SPOCK1: variants seen among roughly 807,000 people sequenced by gnomAD.
The protein encoded by SPOCK1 is SPARC (osteonectin), cwcv and kazal like domains proteoglycan 1.
Under a neutral mutation model 55.3 loss-of-function variants are expected in SPOCK1, and 23 were observed. The ratio of observed to expected loss-of-function variants is 0.42; its 90% CI spans 0.30 to 0.59. The LOEUF (loss-of-function observed/expected upper bound fraction) is 0.59, where lower values mean the gene tolerates loss of function less well. SPOCK1 is among the 20% of genes least tolerant of loss of function. SPOCK1 has a pLI of 0.22. For synonymous variants in SPOCK1, 226 were observed against 221.0 expected (o/e 1.02, Z -0.20); for missense variants, 499 against 552.5 (o/e 0.90, Z 0.97).
At chr5:137,126,837 T>C (rs1753790947) in intron 4 of SPOCK1, among the ~76,000 whole-genome samples, 1 of 152,212 alleles carries the variant, frequency 6.6e-6, no homozygotes, top group African/African-American at 2.4e-5. Context: ...CATGTCCTAG[T>C]GTCTGTGGAA....
chr5:137,487,124 T>A (rs1358154407), intron 2 of SPOCK1, among the ~76,000 whole-genome samples: 2 of 152,166 alleles, frequency 1.3e-5, no homozygotes, highest in Non-Finnish European at 2.9e-5. Context: ...CTTGGCAATT[T>A]TTTTTAATCA....
intron 2 of SPOCK1, among the ~76,000 whole-genome samples, chr5:137,415,425 G>A (rs575530069): frequency 2.6e-4 from 39 of 152,354 alleles, no homozygotes; most frequent in African/African-American, 8.4e-4. Flanking sequence ...GAGCTACAGA[G>A]GCCCAAGGTT....
intron 2 of SPOCK1, among the ~76,000 whole-genome samples, chr5:137,298,591 T>C (rs1757531282): frequency 6.6e-6 from 1 of 152,226 alleles, no homozygotes; most frequent in Non-Finnish European, 1.5e-5. Flanking sequence ...GAGAGGAGTG[T>C]TGAAATCTCC....
intron 4 of SPOCK1, among the ~76,000 whole-genome samples, chr5:137,133,307 T>C (rs1255502397): frequency 1.3e-5 from 2 of 151,344 alleles, no homozygotes; most frequent in Non-Finnish European, 2.9e-5. Flanking sequence ...GAGGCGGAGG[T>C]TGCAGTGAGC....
At chr5:137,127,088 AAGG>A (rs976819844) in intron 4 of SPOCK1, among the ~76,000 whole-genome samples, 7 of 152,212 alleles carry the variant, frequency 4.6e-5, no homozygotes, top group African/African-American at 9.7e-5. Flanking sequence ...ACAATGTATA[AAGG>A]AGATTAGTAT....
intron 2 of SPOCK1, among the ~76,000 whole-genome samples, chr5:137,329,274 G>A (rs1758130056): frequency 6.6e-6 from 1 of 151,988 alleles, no homozygotes; most frequent in Non-Finnish European, 1.5e-5. Context: ...CCAAATCTTA[G>A]ACTGGGATTT....
At chr5:137,279,768 T>C (rs1757134798) in intron 2 of SPOCK1, among the ~76,000 whole-genome samples, 1 of 152,202 alleles carries the variant, frequency 6.6e-6, no homozygotes, top group Non-Finnish European at 1.5e-5. Flanking sequence ...TGACACTGTA[T>C]CTATGCCACC....
chr5:137,202,907 C>G (rs1414596290), intron 3 of SPOCK1, among the ~76,000 whole-genome samples: 1 of 152,182 alleles, frequency 6.6e-6, no homozygotes, highest in Non-Finnish European at 1.5e-5. Context: ...GAATATGTTA[C>G]TTTAAGAACA....
intron 2 of SPOCK1, among the ~76,000 whole-genome samples, chr5:137,350,587 A>C (rs6885881): frequency 0.026 from 3,995 of 152,174 alleles, 207 homozygotes; most frequent in African/African-American, 0.091. Flanking sequence ...ACTCAGCTGC[A>C]ATCATCCAAA....
chr5:137,295,851 A>G (rs145357214), intron 2 of SPOCK1, among the ~76,000 whole-genome samples: 2 of 152,300 alleles, frequency 1.3e-5, no homozygotes, highest in African/African-American at 4.8e-5. Flanking sequence ...TTCCTCATTT[A>G]TCACCTTCCT....
At chr5:137,147,825 C>T (rs777835758) in intron 3 of SPOCK1, among the ~76,000 whole-genome samples, 6 of 152,126 alleles carry the variant, frequency 3.9e-5, no homozygotes, top group Admixed American at 6.5e-5. Flanking sequence ...TTTTAAACAT[C>T]ATGCAACTAT....
At chr5:137,327,400 C>T (rs935457608) in intron 2 of SPOCK1, among the ~76,000 whole-genome samples, 1 of 152,150 alleles carries the variant, frequency 6.6e-6, no homozygotes, top group African/African-American at 2.4e-5. Flanking sequence ...AAACAACTCA[C>T]ATGAACAAAT....
chr5:136,985,713 C>T (rs1428931338), intron 8 of SPOCK1, among the ~76,000 whole-genome samples: 1 of 152,164 alleles, frequency 6.6e-6, no homozygotes, highest in Non-Finnish European at 1.5e-5. Flanking sequence ...CAGAAGAGAT[C>T]TGGAGAAGCA....
At chr5:137,393,570 C>A (rs190019000) in intron 2 of SPOCK1, among the ~76,000 whole-genome samples, 152 of 152,282 alleles carry the variant, frequency 1.0e-3, no homozygotes, top group Middle Eastern at 3.4e-3. Context: ...CAAATGACAT[C>A]AAGAAAAGTT....
intron 2 of SPOCK1, among the ~76,000 whole-genome samples, chr5:137,322,779 T>C (rs1758003375): frequency 6.6e-6 from 1 of 152,182 alleles, no homozygotes; most frequent in African/African-American, 2.4e-5. Flanking sequence ...AAAGTGCATT[T>C]TAGTCCATTT....
intron 5 of SPOCK1, among the ~76,000 whole-genome samples, chr5:137,068,487 C>T (rs1056457213): frequency 1.3e-5 from 2 of 152,206 alleles, no homozygotes; most frequent in East Asian, 3.8e-4. Flanking sequence ...TAATCCACAT[C>T]CTCTTGTCAA....
intron 3 of SPOCK1, among the ~76,000 whole-genome samples, chr5:137,236,599 AC>A (rs1220990143): frequency 1.3e-5 from 2 of 152,144 alleles, no homozygotes; most frequent in African/African-American, 4.8e-5. Flanking sequence ...TTTGAGCTCT[AC>A]CAAACCTAGT....
rs116377847 is a variant in SPOCK1 at position 137,306,005 on chromosome 5, A to G, written c.187-38950T>C. On this transcript the variant is annotated intron_variant, in intron 2 of 10. Coordinates refer to ENST00000394945, the MANE Select transcript of SPOCK1 (RefSeq NM_004598.4). ...CAGCTAAGAGGTGGGGATGTATTCA[A>G]GGAGGATTCAGTAGGGTGGACTGTG... 8.9e-3 allele frequency among the ~76,000 whole-genome samples: 1,357 copies of G among 152,332 alleles called. 27 individuals are homozygous for G. The highest frequency in any genetic ancestry group is 0.031 in the African/African-American group (1,293 of 41,576).
chr5:137,226,910 G>C (rs1755957681), intron 3 of SPOCK1, among the ~76,000 whole-genome samples: 2 of 152,090 alleles, frequency 1.3e-5, no homozygotes, highest in Non-Finnish European at 2.9e-5. Flanking sequence ...ATCTAATAAA[G>C]TACCTAATAA....
Sources: allele counts gnomAD v4.1 joint callset (sites outside exome capture counted in the v4.1 genomes callset), GRCh38; gene constraint gnomAD v4.1.1; transcripts MANE v1.5; gene names NCBI Gene and HGNC (gene_info 2026-07-23, HGNC 2026-07-21).